The following ZNF26 variants were observed in gnomAD, a reference collection of about 807,000 sequenced individuals.
The protein encoded by ZNF26 is epididymis luminal protein 179.
In ZNF26, 32 loss-of-function variants were observed where a neutral mutation model predicts 54.9. That is an observed-to-expected ratio of 0.58 (90% CI 0.44 to 0.78). ZNF26 has a LOEUF of 0.78. Ranked by LOEUF, ZNF26 falls within the 30% of genes least tolerant of loss-of-function variation. The pLI is 0.00. For missense variants in ZNF26, 524 were observed against 634.0 expected (o/e 0.83, Z 1.86); for synonymous variants, 221 against 209.2 (o/e 1.06, Z -0.49).
chr12:133,002,148 G>A (rs1245602241), intron 1 of ZNF26, among the ~76,000 whole-genome samples: 6 of 152,030 alleles, frequency 3.9e-5, no homozygotes, highest in East Asian at 1.9e-4. Context: ...TTCTTTCTCC[G>A]TTTGTTATCC....
intron 1 of ZNF26, among the ~76,000 whole-genome samples, chr12:132,996,721 G>T (rs1227215900): frequency 1.3e-5 from 2 of 152,036 alleles, no homozygotes; most frequent in African/African-American, 4.8e-5. Flanking sequence ...AGGTTTTCCT[G>T]CGTTTTAAAG....
At chr12:132,987,229 A>C (rs1168214538) in intron 1 of ZNF26, among the ~76,000 whole-genome samples, 1 of 152,104 alleles carries the variant, frequency 6.6e-6, no homozygotes, top group African/African-American at 2.4e-5. Context: ...CGTTTGGCCA[A>C]ATGCTTGTTT....
intron 1 of ZNF26, among the ~76,000 whole-genome samples, chr12:132,988,557 G>C (rs1952878030): frequency 6.6e-6 from 1 of 152,066 alleles, no homozygotes; most frequent in South Asian, 2.1e-4. Context: ...TATAAGTCTT[G>C]AAGTCAGGTT....
Position 133,016,110 on chromosome 12 carries a change from T to C in ZNF26, c.*4629T>C, listed in dbSNP as rs2137272577. 1 of 148,232 alleles carries C rather than the reference T, an allele frequency of 6.7e-6. No individual in the cohort carries two copies. The highest frequency in any genetic ancestry group is 2.0e-4 in the East Asian group (1 of 4,942). 9.2% of individuals were successfully genotyped at this position (148,232 alleles called of 1,614,324 possible). A position where few individuals can be genotyped will look rare whatever the true frequency, so the allele number is the denominator to read the frequency against. On this transcript the variant is annotated 3_prime_UTR_variant, in exon 4 of 4. Transcript: ENST00000328654. ...TTTTTTGAGACAGAGTCTCACTGTGTCACCCATGCTGGAGTGCAGTGGCGT... is the reference window on the plus strand; with the variant it reads ...TTTTTTGAGACAGAGTCTCACTGTGCCACCCATGCTGGAGTGCAGTGGCGT...
rs1400062644 is a variant in ZNF26 at position 133,020,178 on chromosome 12, CTATT to C, written c.*8698_*8701del. The C allele has an allele frequency of 6.6e-6, 1 of 152,102 alleles. No individual in the cohort carries two copies. The highest frequency in any genetic ancestry group is 1.5e-5 in the Non-Finnish European group (1 of 68,022). 9.4% of individuals were successfully genotyped at this position (152,102 alleles called of 1,614,324 possible). A position where few individuals can be genotyped will look rare whatever the true frequency, so the allele number is the denominator to read the frequency against. On this transcript the variant is annotated 3_prime_UTR_variant, in exon 4 of 4. Transcript: ENST00000328654. ...ATATATATAAACACAGTCAATATGT[CTATT>C]CAGTCATAAAAATAAAATCCTGTCA...
intron 1 of ZNF26, among the ~76,000 whole-genome samples, chr12:132,996,918 TTTTCTTA>T (rs1953097883): frequency 6.6e-6 from 1 of 152,140 alleles, no homozygotes; most frequent in Non-Finnish European, 1.5e-5. Context: ...TTTTGTTTTG[TTTTCTTA>T]GAAAGAAACA....
chr12:132,988,931 C>T (rs1012444478), intron 1 of ZNF26, among the ~76,000 whole-genome samples: 51 of 150,812 alleles, frequency 3.4e-4, no homozygotes, highest in African/African-American at 1.2e-3. Context: ...TCAAATTCAG[C>T]TTACACCTGT....
intron 1 of ZNF26, among the ~76,000 whole-genome samples, chr12:133,003,178 G>C (rs1953254698): frequency 6.6e-6 from 1 of 151,978 alleles, no homozygotes; most frequent in Non-Finnish European, 1.5e-5. Context: ...ACGGAAGTCA[G>C]TTACCAGATT....
chr12:133,003,891 G>T (rs1314294068), intron 1 of ZNF26, among the ~76,000 whole-genome samples: 1 of 151,700 alleles, frequency 6.6e-6, no homozygotes, highest in East Asian at 1.9e-4. Context: ...ATGCTACTTG[G>T]GATGTATAAA....
chr12:133,001,794 C>T lies in ZNF26; in HGVS notation c.34-5248C>T, dbSNP rs1226107258. ...CTGCTGAACCCTCACTCCCCAGCTG[C>T]CTTTTGAGAGTCCCGCGGCAGTCTT... On this transcript the variant is annotated intron_variant, in intron 1 of 3. Coordinates refer to ENST00000328654, the MANE Select transcript of ZNF26 (RefSeq NM_019591.4). This position sits in a 1 kb window ranked among gnomAD's most constrained non-coding sequence, Gnocchi z 4.7. 2 of 983,944 alleles carry T rather than the reference C, an allele frequency of 2.0e-6. No individual in the cohort carries two copies. The highest frequency in any genetic ancestry group is 3.3e-5 in the African/African-American group (2 of 59,894). 61.0% of individuals were successfully genotyped at this position (983,944 alleles called of 1,614,324 possible). A position where few individuals can be genotyped will look rare whatever the true frequency, so the allele number is the denominator to read the frequency against.
At position 132,986,828 on chromosome 12, in the gene ZNF26, C is replaced by A; in HGVS notation, c.-13C>A. On this transcript the variant is annotated 5_prime_UTR_variant, in exon 1 of 4. Transcript: ENST00000328654. ...CCTGCCCCCGCAGGCAGCGCGCGAA[C>A]GTGGGCGTGGGGATGGCCACCAGTT... The A allele has an allele frequency of 1.2e-6, 2 of 1,603,214 alleles. No homozygotes were observed. The highest frequency in any genetic ancestry group is 1.1e-5 in the South Asian group (1 of 89,122).
rs1186658628 is a variant in ZNF26 at position 133,019,501 on chromosome 12, A to G, written c.*8020A>G. 6.6e-6 allele frequency: 1 copy of G among 152,210 alleles called. No homozygotes were observed. Among genetic ancestry groups the G allele is most frequent in the African/African-American group, 2.4e-5 (1 of 41,452 alleles). 9.4% of individuals were successfully genotyped at this position (152,210 alleles called of 1,614,324 possible). ...ATCACCACTTATCAGAGAAATGCAA[A>G]TTAACCACAATCAGATATCATCCCT... On this transcript the variant is annotated 3_prime_UTR_variant, in exon 4 of 4. Transcript: ENST00000328654.
chr12:132,997,548 G>C (rs1488241462), intron 1 of ZNF26, among the ~76,000 whole-genome samples: 4 of 152,218 alleles, frequency 2.6e-5, no homozygotes, highest in Non-Finnish European at 5.9e-5. Context: ...TCCCAGTCCA[G>C]CTTTTCTATC....
chr12:133,024,940 T>A lies in ZNF26; in HGVS notation c.*13459T>A, dbSNP rs1953683051. On this transcript the variant is annotated 3_prime_UTR_variant, in exon 4 of 4. Coordinates refer to ENST00000328654, the MANE Select transcript of ZNF26 (RefSeq NM_019591.4). Reference sequence around the variant, plus strand: ...ACTTTACAGATAAGGACAAACTGTATAAAAAAAGATATTTGAACTCTCAAC... The same window carrying A: ...ACTTTACAGATAAGGACAAACTGTAAAAAAAAAGATATTTGAACTCTCAAC... The A allele has an allele frequency of 6.6e-6, 1 of 152,164 alleles. No individual in the cohort carries two copies. The highest frequency in any genetic ancestry group is 2.4e-5 in the African/African-American group (1 of 41,436). The allele number at this position is 152,164 out of a possible 1,614,324, so 9.4% of individuals were successfully genotyped here.
rs1422156135 is a variant in ZNF26 at position 133,011,982 on chromosome 12, CACTG to C, written c.*503_*506del. On this transcript the variant is annotated 3_prime_UTR_variant, in exon 4 of 4. Transcript: ENST00000328654. The stretch of plus-strand genomic sequence containing the variant: ...ATTTAATGTGACTTTCCTGAGTTAA[CACTG>C]AATAGTATTTCTAAAATTTTTTGTA... 1 of 152,250 alleles carries C rather than the reference CACTG, an allele frequency of 6.6e-6. No homozygotes were observed. The highest frequency in any genetic ancestry group is 1.5e-5 in the Non-Finnish European group (1 of 68,136). 9.4% of individuals were successfully genotyped at this position (152,250 alleles called of 1,614,324 possible). A position where few individuals can be genotyped will look rare whatever the true frequency, so the allele number is the denominator to read the frequency against.
chr12:133,007,605 C>A, intron 3 of ZNF26, 73 bp downstream of exon 3: 2 of 1,057,412 alleles, frequency 1.9e-6, no homozygotes, highest in Non-Finnish European at 2.8e-6. Flanking sequence ...TGGGCACTCA[C>A]AGTGTTGTCT....
Position 133,023,144 on chromosome 12 carries a change from A to C in ZNF26, c.*11663A>C, listed in dbSNP as rs1953663453. 6.6e-6 allele frequency: 1 copy of C among 152,214 alleles called. No individual in the cohort carries two copies. 9.4% of individuals were successfully genotyped at this position (152,214 alleles called of 1,614,324 possible). A position where few individuals can be genotyped will look rare whatever the true frequency, so the allele number is the denominator to read the frequency against. ...TTTAGATTTTAAAAAATTATGGGAGAATACTAAGGATAACCATACGCCAGT... is the reference window on the plus strand; with the variant it reads ...TTTAGATTTTAAAAAATTATGGGAGCATACTAAGGATAACCATACGCCAGT... On this transcript the variant is annotated 3_prime_UTR_variant, in exon 4 of 4. Transcript: ENST00000328654.
In ZNF26 at chr12:133,026,059, G is replaced by A. The variant is rs1167535467; in HGVS notation, c.*14578G>A. On this transcript the variant is annotated 3_prime_UTR_variant, in exon 4 of 4. Transcript: ENST00000328654. ...GCCTTAGAAAAAGCTGCCTAGCTGA[G>A]CCTATCTTGAATTTCTGACCCAGGA... 9.9e-5 allele frequency: 15 copies of A among 151,890 alleles called. No homozygotes were observed. The highest frequency in any genetic ancestry group is 3.4e-4 in the African/African-American group (14 of 41,356). The allele number at this position is 151,890 out of a possible 1,614,324, so 9.4% of individuals were successfully genotyped here. A position where few individuals can be genotyped will look rare whatever the true frequency, so the allele number is the denominator to read the frequency against.
Position 132,989,439 on chromosome 12 carries a change from C to A in ZNF26, c.33+2566C>A, listed in dbSNP as rs941913999. Among the ~76,000 whole-genome samples, 6 of 152,268 alleles carry A rather than the reference C, an allele frequency of 3.9e-5. No individual in the cohort carries two copies. The South Asian group carries it at 1.2e-3, about 32-fold the overall frequency. ...TTTTACAGGTTAAGTATCTTTTATT[C>A]AAAATGCTTAAGACCAGAATTGTTT... On this transcript the variant is annotated intron_variant, in intron 1 of 3. Transcript: ENST00000328654.
Sources: allele counts gnomAD v4.1 joint callset (sites outside exome capture counted in the v4.1 genomes callset), GRCh38; gene constraint gnomAD v4.1.1; non-coding constraint Gnocchi (gnomAD v3.1); transcripts MANE v1.5; gene names NCBI Gene and HGNC (gene_info 2026-07-23, HGNC 2026-07-21).